Variants in ASIC2 observed in about 807,000 individuals in gnomAD.
ASIC2 encodes the protein acid sensing ion channel subunit 2.
A neutral mutation model predicts 57.3 loss-of-function variants in ASIC2; 25 were observed. That is an observed-to-expected ratio of 0.44 (90% CI 0.32 to 0.61). The LOEUF is 0.61. ASIC2 is among the 20% of genes least tolerant of loss of function. The pLI is 0.06. For missense variants in ASIC2, 641 were observed against 738.1 expected, an observed-to-expected ratio of 0.87 and a Z score of 1.52; for synonymous variants, 319 against 307.5, an observed-to-expected ratio of 1.04 and a Z score of -0.39.
intron 1 of ASIC2, among the ~76,000 whole-genome samples, chr17:33,852,795 A>G (rs1341507535): frequency 6.6e-6 from 1 of 152,112 alleles, no homozygotes; most frequent in Admixed American, 6.5e-5. Context: ...TGTCTTTCCC[A>G]TTGGCTCAGG....
chr17:33,364,208 T>C (rs962043683), intron 1 of ASIC2, among the ~76,000 whole-genome samples: 1 of 152,184 alleles, frequency 6.6e-6, no homozygotes, highest in Non-Finnish European at 1.5e-5. Flanking sequence ...AGAGGCAAGT[T>C]ACCATAACCA....
At chr17:33,445,446 T>G (rs536777306) in intron 1 of ASIC2, among the ~76,000 whole-genome samples, 3 of 151,586 alleles carry the variant, frequency 2.0e-5, no homozygotes, top group African/African-American at 4.9e-5. Context: ...TAAAATAAAT[T>G]AAAATAAATT....
At chr17:33,987,301 C>T (rs1048598836) in intron 1 of ASIC2, among the ~76,000 whole-genome samples, 1 of 152,112 alleles carries the variant, frequency 6.6e-6, no homozygotes, top group African/African-American at 2.4e-5. Flanking sequence ...CTTAGGTGCA[C>T]CCAGTGCTCC....
At chr17:34,091,416 G>C (rs994531600) in intron 1 of ASIC2, among the ~76,000 whole-genome samples, 3 of 152,260 alleles carry the variant, frequency 2.0e-5, no homozygotes, top group African/African-American at 4.8e-5. Context: ...GGGCCTGTAG[G>C]AGGCAGTTCC....
At chr17:33,510,958 C>T (rs552951810) in intron 1 of ASIC2, among the ~76,000 whole-genome samples, 1 of 152,352 alleles carries the variant, frequency 6.6e-6, no homozygotes, top group Non-Finnish European at 1.5e-5. Context: ...AGTCTGTTGT[C>T]TGCATCCCCA....
intron 1 of ASIC2, among the ~76,000 whole-genome samples, chr17:33,405,941 C>G (rs1318302824): frequency 6.6e-6 from 1 of 152,164 alleles, no homozygotes; most frequent in Non-Finnish European, 1.5e-5. Flanking sequence ...CCAGCCCGAG[C>G]CTGCGAGCAT....
At chr17:33,989,580 C>A (rs1905938987) in intron 1 of ASIC2, among the ~76,000 whole-genome samples, 1 of 152,144 alleles carries the variant, frequency 6.6e-6, no homozygotes, top group Admixed American at 6.5e-5. Flanking sequence ...CACTTCCCGG[C>A]TAAGACCTTT....
At chr17:34,104,930 A>T (rs950606927) in intron 1 of ASIC2, among the ~76,000 whole-genome samples, 1 of 152,050 alleles carries the variant, frequency 6.6e-6, no homozygotes, top group Non-Finnish European at 1.5e-5. Flanking sequence ...ATGGTTTGAT[A>T]TCAAAAATCA....
At chr17:33,167,283 C>T (rs1905341162) in intron 1 of ASIC2, among the ~76,000 whole-genome samples, 1 of 152,172 alleles carries the variant, frequency 6.6e-6, no homozygotes, top group East Asian at 1.9e-4. Flanking sequence ...TGTGAGCCAG[C>T]CATGACCAAA....
intron 1 of ASIC2, among the ~76,000 whole-genome samples, chr17:33,435,431 A>G (rs62068469): frequency 0.17 from 26,484 of 152,122 alleles, 2,579 homozygotes; most frequent in Middle Eastern, 0.24. Context: ...AGATGAGTCC[A>G]TTTGAGTATC....
At chr17:33,897,961 A>G (rs1365686892) in intron 1 of ASIC2, among the ~76,000 whole-genome samples, 1 of 152,178 alleles carries the variant, frequency 6.6e-6, no homozygotes, top group Non-Finnish European at 1.5e-5. Flanking sequence ...TGGTAATGGG[A>G]ACTAGTTATC....
chr17:33,459,465 T>C (rs186917325), intron 1 of ASIC2, among the ~76,000 whole-genome samples: 1 of 152,160 alleles, frequency 6.6e-6, no homozygotes, highest in South Asian at 2.1e-4. Flanking sequence ...CTAAATACGT[T>C]TCCTTTCTTT....
chr17:33,740,246 C>T (rs959929385), intron 1 of ASIC2, among the ~76,000 whole-genome samples: 23 of 152,202 alleles, frequency 1.5e-4, no homozygotes, highest in Non-Finnish European at 2.5e-4. Context: ...ACAGCAAGGG[C>T]TATGTATTAG....
At chr17:33,718,074 C>T (rs1259486411) in intron 1 of ASIC2, among the ~76,000 whole-genome samples, 2 of 152,148 alleles carry the variant, frequency 1.3e-5, no homozygotes, top group Non-Finnish European at 2.9e-5. Flanking sequence ...GGACACCCCT[C>T]TCCCTGTGCC....
intron 6 of ASIC2, among the ~76,000 whole-genome samples, chr17:33,023,576 T>C (rs2091847106): frequency 6.6e-6 from 1 of 152,128 alleles, no homozygotes; most frequent in Admixed American, 6.5e-5. Context: ...CATTCTCTCC[T>C]TCCCTATGCA....
chr17:33,929,270 C>G (rs566106622), intron 1 of ASIC2, among the ~76,000 whole-genome samples: 1 of 152,306 alleles, frequency 6.6e-6, no homozygotes, highest in Non-Finnish European at 1.5e-5. Context: ...GCCACTGCCC[C>G]CGACCGAGCT....
chr17:33,968,045 A>T (rs1243300550), intron 1 of ASIC2, among the ~76,000 whole-genome samples: 1 of 152,244 alleles, frequency 6.6e-6, no homozygotes, highest in African/African-American at 2.4e-5. Flanking sequence ...CACACAACTA[A>T]TGAGCCCAAG....
intron 1 of ASIC2, among the ~76,000 whole-genome samples, chr17:33,390,432 T>C (rs533210436): frequency 7.9e-5 from 12 of 152,226 alleles, no homozygotes; most frequent in Non-Finnish European, 1.6e-4. Context: ...TTAGTAATTA[T>C]ATATTGCTAT....
intron 2 of ASIC2, among the ~76,000 whole-genome samples, chr17:33,093,043 C>T (rs1184037882): frequency 1.3e-5 from 2 of 152,138 alleles, no homozygotes; most frequent in Non-Finnish European, 2.9e-5. Context: ...TGGGGCTGCA[C>T]ACACAACAAC....
Sources: allele counts gnomAD v4.1 joint callset (sites outside exome capture counted in the v4.1 genomes callset), GRCh38; gene constraint gnomAD v4.1.1; transcripts MANE v1.5; gene names NCBI Gene and HGNC (gene_info 2026-07-23, HGNC 2026-07-21).